PLXNB3: variants seen among roughly 807,000 people sequenced by gnomAD.
PLXNB3 encodes the protein plexin B3.
A neutral mutation model predicts 125.7 loss-of-function variants in PLXNB3; 80 were observed. That is an observed-to-expected ratio of 0.64 (90% CI 0.53 to 0.77). The LOEUF (loss-of-function observed/expected upper bound fraction) is 0.77, where lower values mean the gene tolerates loss of function less well. Among genes scored for constraint, PLXNB3 ranks in the 30% least tolerant of loss-of-function variants. The pLI, the probability that PLXNB3 is intolerant of heterozygous loss-of-function variation, is 0.00. For synonymous variants in PLXNB3, 954 were observed against 783.3 expected (o/e 1.22, Z -3.64); for missense variants, 1,836 against 1,729.3 (o/e 1.06, Z -1.09).
chrX:153,769,785 C>A (rs782807897), intron 6 of PLXNB3, 22 bp from the exon 7 acceptor site: 1 of 1,199,745 alleles, frequency 8.3e-7, no homozygotes, highest in Admixed American at 2.2e-5. Context: ...CCACGGTGAC[C>A]TGATGGACCC....
At position 153,770,647 on chromosome X, in the gene PLXNB3, G is replaced by C; in HGVS notation, c.2010+5G>C. 1 of 1,208,829 alleles carries C rather than the reference G, an allele frequency of 8.3e-7. No individual in the cohort carries two copies. Among genetic ancestry groups the C allele is most frequent in the Non-Finnish European group, 1.1e-6 (1 of 893,516 alleles). On this transcript the variant is annotated splice_donor_5th_base_variant and intron_variant, in intron 10 of 35. Coordinates refer to ENST00000361971, the MANE Select transcript of PLXNB3 (RefSeq NM_005393.3). ...ACCATCTACAGCGCCCAGGAGGTGG[G>C]TGGGCCCGAACTTCGGGCAGAGACA... is the stretch of plus-strand genomic sequence containing the variant.
In PLXNB3 at chrX:153,769,814, C is replaced by T. The variant is rs782453850; in HGVS notation, c.1504C>T (p.Arg502Trp). ...TGGACCCCTGCCTGGCAGGTGTACC[C>T]GGAAGGGCCAGTGCGGGCGGGCAGG... ...GWCVLQGRCT[R>W]KGQCGRAGQL... The change falls in exon 7 of 36, where the codon CGG (arginine) becomes TGG (tryptophan). Residue 502 changes from arginine to tryptophan, a missense_variant. Arg to Trp is a moderately radical substitution (Grantham distance 101). Coordinates refer to ENST00000361971, the MANE Select transcript of PLXNB3 (RefSeq NM_005393.3). 6.6e-6 allele frequency: 8 copies of T among 1,203,158 alleles called. No individual in the cohort carries two copies. In the East Asian group the frequency reaches 8.9e-5, roughly 13 times the overall value.
At chrX:153,776,708 G>GGGCGAGGCACGGCAGGGCGA (rs2091997570) in intron 28 of PLXNB3, among the ~76,000 whole-genome samples, 179 bp from the exon 29 acceptor site, 1 of 11,687 alleles carries the variant, frequency 8.6e-5, no homozygotes, top group Non-Finnish European at 1.4e-4. Context: ...GGCTGGGGCG[G>GGGCGAGGCACGGCAGGGCGA]GGATGGGGGG....
At chrX:153,769,679 C>A in intron 6 of PLXNB3, 128 bp from the exon 7 acceptor site, 1 of 692,324 alleles carries the variant, frequency 1.4e-6, no homozygotes, top group East Asian at 3.6e-5. Flanking sequence ...TGGACACAGT[C>A]CCCTTCACGC....
In PLXNB3 at chrX:153,772,205, C is replaced by G; in HGVS notation, c.2693C>G (p.Ala898Gly). 1 of 1,207,048 alleles carries G rather than the reference C, an allele frequency of 8.3e-7. No individual in the cohort carries two copies. The highest frequency in any genetic ancestry group is 1.1e-6 in the Non-Finnish European group (1 of 893,529). ...SARIVCVTSP[A>G]PNGTTGPVRV... ...AGGATTGTGTGTGTGACATCTCCTG[C>G]CCCCAATGGCACCACTGGGCCCGTC... Residue 898 changes from alanine (A) to glycine (G), a missense_variant, in exon 16 of 36, where the codon GCC becomes GGC. By Grantham distance (60) the Ala-to-Gly change is moderately conservative. Coordinates refer to ENST00000361971, the MANE Select transcript of PLXNB3 (RefSeq NM_005393.3).
intron 6 of PLXNB3, 56 bp downstream of exon 6, chrX:153,769,318 C>A: frequency 9.9e-7 from 1 of 1,005,988 alleles, no homozygotes; most frequent in Non-Finnish European, 1.4e-6. Context: ...TGCCACGAGG[C>A]TGCCCCTGGA....
intron 2 of PLXNB3, chrX:153,766,485 T>C: frequency 1.1e-6 from 1 of 933,141 alleles, no homozygotes; most frequent in Non-Finnish European, 1.4e-6. Flanking sequence ...TCCCCTGCCC[T>C]CTCTCCATCC....
At position 153,779,267 on chromosome X, in the gene PLXNB3, C is replaced by G. The variant is rs377176880; in HGVS notation, c.*228C>G. 3.7e-5 allele frequency: 11 copies of G among 293,706 alleles called. No individual in the cohort carries two copies. Among genetic ancestry groups the G allele is most frequent in the East Asian group, 3.0e-4 (6 of 20,142 alleles). 24.2% of individuals were successfully genotyped at this position (293,706 alleles called of 1,213,427 possible). A position where few individuals can be genotyped will look rare whatever the true frequency, so the allele number is the denominator to read the frequency against. ...TTTATAAGGATCCCCCTCCTTCCCC[C>G]TCTCCCCATTGTATTTATTTGCCTG... On this transcript the variant is annotated 3_prime_UTR_variant, in exon 36 of 36. Transcript: ENST00000361971.
intron 2 of PLXNB3, chrX:153,766,159 C>A: frequency 1.8e-6 from 2 of 1,113,913 alleles, no homozygotes; most frequent in Non-Finnish European, 2.4e-6. Context: ...CTTCTCCCAG[C>A]ACCCCCGCTG....
chrX:153,771,452 G>A (rs2091929105), intron 13 of PLXNB3, 34 bp from the exon 14 acceptor site: 1 of 1,207,875 alleles, frequency 8.3e-7, no homozygotes, highest in Admixed American at 2.2e-5. Context: ...GTGGCAGACA[G>A]GAGGCGCTCA....
chrX:153,765,320 G>A (rs1228933383), intron 1 of PLXNB3, among the ~76,000 whole-genome samples, 151 bp from the exon 2 acceptor site: 9 of 113,009 alleles, frequency 8.0e-5, no homozygotes, highest in African/African-American at 2.6e-4. Flanking sequence ...TGTGGTGGAG[G>A]CAGGGCTGCC....
In PLXNB3 at chrX:153,774,773, G is replaced by A. The variant is rs782819171; in HGVS notation, c.3898G>A (p.Gly1300Ser). 3.1e-5 allele frequency: 37 copies of A among 1,203,815 alleles called. No homozygotes were observed. The Admixed American group carries it at 3.7e-4, about 12-fold the overall frequency. The change falls in exon 23 of 36, where the codon GGC (glycine) becomes AGC (serine). Residue 1300 changes from glycine to serine, a missense_variant. Coordinates refer to ENST00000361971, the MANE Select transcript of PLXNB3 (RefSeq NM_005393.3). ...AGTGCAGCTGGAGAGCCTGGAGACC[G>A]GCGTGGGAGACCAGTGCCGCAAGGA... Reference protein sequence around the residue: ...VLVQLESLETGVGDQCRKEFT... With the variant: ...VLVQLESLETSVGDQCRKEFT...
At chrX:153,770,053 T>C (rs2091909734) in intron 7 of PLXNB3, 39 bp from the exon 8 acceptor site, 1 of 1,203,465 alleles carries the variant, frequency 8.3e-7, no homozygotes, top group Non-Finnish European at 1.1e-6. Flanking sequence ...GCCCCCTCTC[T>C]CTGGCTACAT....
Position 153,775,583 on chromosome X carries a change from G to A in PLXNB3, c.4335-11G>A, listed in dbSNP as rs1557063796. The A allele has an allele frequency of 8.3e-7, 1 of 1,208,558 alleles. No homozygotes were observed. The highest frequency in any genetic ancestry group is 1.1e-6 in the Non-Finnish European group (1 of 893,084). On this transcript the variant is annotated splice_polypyrimidine_tract_variant and intron_variant, in intron 25 of 35. Coordinates refer to ENST00000361971, the MANE Select transcript of PLXNB3 (RefSeq NM_005393.3). ...GCACAAAGGCCTGACCCTGTGGCCGGCTCCCCGCAGGACAGAGACCATGGT... is the reference window on the plus strand; with the variant it reads ...GCACAAAGGCCTGACCCTGTGGCCGACTCCCCGCAGGACAGAGACCATGGT...
Position 153,769,810 on chromosome X carries a change from T to C in PLXNB3, c.1500T>C (p.Cys500=). 1 of 1,203,822 alleles carries C rather than the reference T, an allele frequency of 8.3e-7. No homozygotes were observed. The highest frequency in any genetic ancestry group is 2.2e-5 in the Admixed American group (1 of 45,431). The change falls in exon 7 of 36, where the codon TGT becomes TGC. Residue 500 remains cysteine (C), a synonymous_variant. Transcript: ENST00000361971. The part of the protein sequence containing the change: ...LCGWCVLQGR[C]TRKGQCGRAG... ...CTGATGGACCCCTGCCTGGCAGGTG[T>C]ACCCGGAAGGGCCAGTGCGGGCGGG...
Position 153,768,478 on chromosome X carries a change from G to A in PLXNB3, c.1266+50G>A, listed in dbSNP as rs143426570. On this transcript the variant is annotated intron_variant, in intron 4 of 35. Transcript: ENST00000361971. ...GCTGGGTGTGCCCCTGGCCACGGAG[G>A]CTCAGGAAAGCCCCCAGCAACTTCC... The A allele has an allele frequency of 7.8e-3, 8,485 of 1,082,273 alleles. 356 individuals carry two copies. In the African/African-American group the frequency reaches 0.13, roughly 17 times the overall value. The allele number at this position is 1,082,273 out of a possible 1,213,427, so 89.2% of individuals were successfully genotyped here.
chrX:153,766,363 G>C (rs57604584), intron 2 of PLXNB3: 5 of 1,121,621 alleles, frequency 4.5e-6, no homozygotes, highest in Non-Finnish European at 5.9e-6. Flanking sequence ...TGGGGCACAC[G>C]GTGGCCTCAC....
Position 153,769,271 on chromosome X carries a change from G to C in PLXNB3, c.1496+9G>C. ...TGTGTCCTCCAGGGCAGGTGAGCAC[G>C]GGGCCTGTGCCTAGGCTAGGGCCAA... On this transcript the variant is annotated intron_variant, in intron 6 of 35. Transcript: ENST00000361971. 8.8e-7 allele frequency: 1 copy of C among 1,139,729 alleles called. No homozygotes were observed. The highest frequency in any genetic ancestry group is 1.2e-6 in the Non-Finnish European group (1 of 848,828). 93.9% of individuals were successfully genotyped at this position (1,139,729 alleles called of 1,213,427 possible). A position where few individuals can be genotyped will look rare whatever the true frequency, so the allele number is the denominator to read the frequency against.
intron 14 of PLXNB3, 60 bp from the exon 15 acceptor site, chrX:153,771,804 G>A: frequency 1.7e-6 from 2 of 1,170,630 alleles, no homozygotes; most frequent in South Asian, 3.7e-5. Flanking sequence ...CGGGCACCCA[G>A]CACTGCAGAG....
Sources: gnomAD v4.1 joint callset for allele counts (sites outside exome capture counted in the v4.1 genomes callset) on GRCh38, gnomAD v4.1.1 for gene constraint, MANE v1.5 for transcripts, NCBI Gene and HGNC (gene_info 2026-07-23, HGNC 2026-07-21) for gene names.